The following CHSY3 variants were observed in gnomAD, a reference collection of about 807,000 sequenced individuals.
The protein encoded by CHSY3 is chondroitin sulfate synthase 3, also known as N-acetylgalactosaminyl-proteoglycan 3-beta-glucuronosyltransferase 3.
CHSY3 carries 35 observed loss-of-function variants against 67.2 expected under a neutral mutation model. The observed-to-expected ratio is 0.52, with a 90% CI of 0.40 to 0.69. CHSY3 has a LOEUF of 0.69. Ranked by LOEUF, CHSY3 falls within the 30% of genes least tolerant of loss-of-function variation. CHSY3 has a pLI of 0.00. For synonymous variants in CHSY3, 474 were observed against 434.7 expected (o/e 1.09, Z -1.12); for missense variants, 1,069 against 1,138.5 (o/e 0.94, Z 0.88).
chr5:129,957,460 C>A (rs1762210043), intron 2 of CHSY3, among the ~76,000 whole-genome samples: 1 of 152,052 alleles, frequency 6.6e-6, no homozygotes, highest in Non-Finnish European at 1.5e-5. Context: ...TTATTCCTTT[C>A]TTTTGCCTGA....
chr5:130,081,953 T>A (rs1429856047), intron 2 of CHSY3, among the ~76,000 whole-genome samples: 1 of 152,168 alleles, frequency 6.6e-6, no homozygotes, highest in Non-Finnish European at 1.5e-5. Flanking sequence ...TAAGGAATGT[T>A]ATTTTGAATT....
intron 2 of CHSY3, among the ~76,000 whole-genome samples, chr5:130,005,372 G>A (rs980392791): frequency 4.6e-5 from 7 of 151,810 alleles, no homozygotes; most frequent in Admixed American, 1.3e-4. Flanking sequence ...CCGAGATTGC[G>A]CCACTGCACT....
At chr5:130,015,998 C>T (rs1764209158) in intron 2 of CHSY3, among the ~76,000 whole-genome samples, 1 of 152,108 alleles carries the variant, frequency 6.6e-6, no homozygotes, top group Non-Finnish European at 1.5e-5. Context: ...AATCAAATAC[C>T]ACATATTCTC....
rs771867587 is a variant in CHSY3, at chr5:130,186,463, C to A, written c.*672C>A. 1 of 152,532 alleles carries A rather than the reference C, an allele frequency of 6.6e-6. No homozygotes were observed. The highest frequency in any genetic ancestry group is 2.4e-5 in the African/African-American group (1 of 41,370). 9.4% of individuals were successfully genotyped at this position (152,532 alleles called of 1,614,324 possible). On this transcript the variant is annotated 3_prime_UTR_variant, in exon 3 of 3. Transcript: ENST00000305031. Reference sequence around the variant, plus strand: ...TCCTCACAACTGTCTGCTATAAATGCGAATGAACTTTATTTTCTCAAGGAA... The same window carrying A: ...TCCTCACAACTGTCTGCTATAAATGAGAATGAACTTTATTTTCTCAAGGAA...
chr5:130,058,741 G>A (rs893040824), intron 2 of CHSY3, among the ~76,000 whole-genome samples: 32 of 152,234 alleles, frequency 2.1e-4, no homozygotes, highest in Non-Finnish European at 1.8e-4. Context: ...CAAACTGGGT[G>A]CCTTAAAACA....
At chr5:130,162,057 A>AAAGAAAGAAAG (rs375466338) in intron 2 of CHSY3, among the ~76,000 whole-genome samples, 125 of 122,966 alleles carry the variant, frequency 1.0e-3, no homozygotes, top group African/African-American at 3.8e-3. Context: ...AAAAAAAAAA[A>AAAGAAAGAAAG]AAAGAAAGAA....
At chr5:129,949,149 G>A (rs1761951283) in intron 2 of CHSY3, among the ~76,000 whole-genome samples, 1 of 152,084 alleles carries the variant, frequency 6.6e-6, no homozygotes, top group South Asian at 2.1e-4. Flanking sequence ...AAAACAATTA[G>A]TACTAGACTT....
rs1200666303 is a variant in CHSY3 at position 129,905,063 on chromosome 5, C to A, written c.234C>A (p.Pro78=). ...CACGGCAGGAGCAGTCGCCGCCCCC[C>A]GCGCGCCAGGATCTCCAGGGGCCAC... The part of the protein sequence containing the change: ...SRPRQEQSPP[P]ARQDLQGPPL... Residue 78 remains proline, a synonymous_variant, in exon 1 of 3, where the codon CCC becomes CCA. Transcript: ENST00000305031. 2 of 1,546,598 alleles carry A rather than the reference C, an allele frequency of 1.3e-6. No individual in the cohort carries two copies. The highest frequency in any genetic ancestry group is 8.7e-7 in the Non-Finnish European group (1 of 1,152,552).
intron 2 of CHSY3, among the ~76,000 whole-genome samples, chr5:130,098,626 C>T (rs1191550876): frequency 6.6e-6 from 1 of 152,172 alleles, no homozygotes; most frequent in African/African-American, 2.4e-5. Flanking sequence ...GCAAATTACT[C>T]ACTACTACCT....
intron 2 of CHSY3, among the ~76,000 whole-genome samples, chr5:130,003,062 T>C (rs1178952400): frequency 6.6e-6 from 1 of 152,226 alleles, no homozygotes; most frequent in Non-Finnish European, 1.5e-5. Flanking sequence ...CAAACTGATT[T>C]GTTCTAAGCT....
intron 2 of CHSY3, among the ~76,000 whole-genome samples, chr5:130,125,145 G>C (rs1316765160): frequency 1.3e-5 from 2 of 152,132 alleles, no homozygotes; most frequent in South Asian, 2.1e-4. Flanking sequence ...GGACAAGGTG[G>C]GCTTAGAGAA....
chr5:130,025,467 G>A (rs1187856103), intron 2 of CHSY3, among the ~76,000 whole-genome samples: 1 of 152,070 alleles, frequency 6.6e-6, no homozygotes, highest in Non-Finnish European at 1.5e-5. Flanking sequence ...TCACAAAATA[G>A]ATGTGCCCTA....
intron 2 of CHSY3, among the ~76,000 whole-genome samples, chr5:129,968,433 A>G (rs59796837): frequency 0.025 from 3,841 of 151,958 alleles, 169 homozygotes; most frequent in African/African-American, 0.088. Context: ...AATTCAGCAA[A>G]CATATATTGA....
intron 2 of CHSY3, among the ~76,000 whole-genome samples, chr5:130,161,448 T>A (rs924618657): frequency 6.6e-6 from 1 of 152,202 alleles, no homozygotes; most frequent in Non-Finnish European, 1.5e-5. Flanking sequence ...ATAAGTTTTA[T>A]GAAAAGCCTA....
intron 2 of CHSY3, among the ~76,000 whole-genome samples, chr5:130,167,054 C>T (rs2149730888): frequency 6.6e-6 from 1 of 152,210 alleles, no homozygotes; most frequent in Non-Finnish European, 1.5e-5. Context: ...TCAATTCCCA[C>T]TGAAACAAAA....
chr5:129,904,494 G>A lies in CHSY3; in HGVS notation c.-336G>A, dbSNP rs1760148360. 8.8e-6 allele frequency: 2 copies of A among 226,046 alleles called. No individual in the cohort carries two copies. Among genetic ancestry groups the A allele is most frequent in the African/African-American group, 4.6e-5 (2 of 43,718 alleles). 14.0% of individuals were successfully genotyped at this position (226,046 alleles called of 1,614,324 possible). A position where few individuals can be genotyped will look rare whatever the true frequency, so the allele number is the denominator to read the frequency against. On this transcript the variant is annotated 5_prime_UTR_variant, in exon 1 of 3. Coordinates refer to ENST00000305031, the MANE Select transcript of CHSY3 (RefSeq NM_175856.5). ...ACAGGGTGGCAGCCTAGGAGCGGAC[G>A]CGTTGCCGCCGCCGCTGCTCCTCCT...
chr5:130,120,879 G>A (rs1342083384), intron 2 of CHSY3, among the ~76,000 whole-genome samples: 3 of 152,190 alleles, frequency 2.0e-5, no homozygotes, highest in East Asian at 3.9e-4. Flanking sequence ...CCTGCACACC[G>A]CTTTCCATAT....
chr5:130,123,324 A>C (rs561301599), intron 2 of CHSY3, among the ~76,000 whole-genome samples: 88 of 152,328 alleles, frequency 5.8e-4, no homozygotes, highest in African/African-American at 2.0e-3. Context: ...GGCAGTCACC[A>C]ACCTTTTTGG....
At chr5:129,904,108 C>A (rs1174528277), upstream of CHSY3, among the ~76,000 whole-genome samples, 1 of 151,894 alleles carries the variant, frequency 6.6e-6, no homozygotes, top group Non-Finnish European at 1.5e-5. Flanking sequence ...GCCAGTAGAG[C>A]CCCCAGACAC....
Sources: allele counts gnomAD v4.1 joint callset (sites outside exome capture counted in the v4.1 genomes callset), GRCh38; gene constraint gnomAD v4.1.1; transcripts MANE v1.5; gene names NCBI Gene and HGNC (gene_info 2026-07-23, HGNC 2026-07-21).